The following KMT2E variants were observed in gnomAD, a reference collection of about 807,000 sequenced individuals.
KMT2E encodes lysine methyltransferase 2E (inactive).
Under a neutral mutation model 184.6 loss-of-function variants are expected in KMT2E, and 30 were observed. The observed-to-expected ratio is 0.16, with a 90% CI of 0.12 to 0.22. KMT2E has a LOEUF of 0.22. KMT2E is among the 10% of genes least tolerant of loss of function. KMT2E has a pLI of 1.00. For missense variants in KMT2E, 2,023 were observed against 2,237.4 expected (o/e 0.90, Z 1.93); for synonymous variants, 815 against 776.5 (o/e 1.05, Z -0.82).
chr7:105,025,172 ATAGAG>A lies in KMT2E; in HGVS notation c.-189+10643_-189+10647del, dbSNP rs1445419768. The stretch of plus-strand genomic sequence containing the variant: ...AGTACTTCTTTAGAAGCTGTATTGT[ATAGAG>A]TAGAGATTCCAGAACCATACCACTT... On this transcript the variant is annotated intron_variant, in intron 1 of 26. Coordinates refer to ENST00000311117, the MANE Select transcript of KMT2E (RefSeq NM_182931.3). Among the ~76,000 whole-genome samples, 13 of 152,294 alleles carry A rather than the reference ATAGAG, an allele frequency of 8.5e-5. No homozygotes were observed. The South Asian group carries it at 2.5e-3, about 29-fold the overall frequency.
At chr7:105,016,300 A>C (rs972906516) in intron 1 of KMT2E, among the ~76,000 whole-genome samples, 4 of 152,170 alleles carry the variant, frequency 2.6e-5, no homozygotes, top group Admixed American at 1.3e-4. Context: ...AGAATTTTCA[A>C]AGTTTATTGT....
At position 105,112,874 on chromosome 7, in the gene KMT2E, A is replaced by C. The variant is rs747926615; in HGVS notation, c.5118A>C (p.Gln1706His). The C allele has an allele frequency of 2.2e-5, 35 of 1,609,164 alleles. 1 individual carries two copies. In the South Asian group the frequency reaches 2.4e-4, roughly 11 times the overall value. ...PSTGLQGLQA[Q>H]HQHVVNSAPP... ...CAGGACTCCAAGGTCTACAAGCACA[A>C]CACCAGCATGTTGTAAATTCAGCAC... The change falls in exon 27 of 27, where the codon CAA (glutamine) becomes CAC (histidine). Residue 1706 changes from glutamine (Q) to histidine (H), a missense_variant. By Grantham distance (24) the Gln-to-His change is conservative. This residue lies in a region of KMT2E where 1,108 missense variants were observed against 1,050.9 expected (regional missense o/e 1.05). Transcript: ENST00000311117.
chr7:105,029,694 G>C (rs149944690), intron 1 of KMT2E, among the ~76,000 whole-genome samples: 3 of 152,272 alleles, frequency 2.0e-5, no homozygotes, highest in African/African-American at 7.2e-5. Flanking sequence ...ATAAAAAATA[G>C]AATGAAAGAA....
At position 105,076,088 on chromosome 7, in the gene KMT2E, A is replaced by G; in HGVS notation, c.768+7A>G. The G allele has an allele frequency of 6.3e-7, 1 of 1,583,122 alleles. No homozygotes were observed. Among genetic ancestry groups the G allele is most frequent in the Non-Finnish European group, 8.7e-7 (1 of 1,152,668 alleles). The stretch of plus-strand genomic sequence containing the variant: ...GAAGTCATCAAGAGTTAAGGTAAAT[A>G]CATTAATTTTAAGGTGTTGTTATCA... On this transcript the variant is annotated splice_region_variant and intron_variant, in intron 9 of 26. Coordinates refer to ENST00000311117, the MANE Select transcript of KMT2E (RefSeq NM_182931.3).
intron 1 of KMT2E, among the ~76,000 whole-genome samples, chr7:105,035,340 T>A (rs1795601730): frequency 6.6e-6 from 1 of 151,160 alleles, no homozygotes; most frequent in South Asian, 2.1e-4. Flanking sequence ...CCTAATTTTT[T>A]TTATTGTTAG....
chr7:105,062,842 A>G (rs528157578), intron 4 of KMT2E, among the ~76,000 whole-genome samples: 1 of 152,028 alleles, frequency 6.6e-6, no homozygotes, highest in Admixed American at 6.6e-5. Context: ...CAACACATTT[A>G]TGATACTATG....
chr7:105,078,753 C>T, intron 11 of KMT2E, 93 bp from the exon 12 acceptor site: 4 of 521,108 alleles, frequency 7.7e-6, no homozygotes, highest in Non-Finnish European at 7.1e-6. Flanking sequence ...AGCAATCCAC[C>T]TGCCTCGGCC....
chr7:105,102,149 TC>T lies in KMT2E; in HGVS notation c.2153del (p.Pro718GlnfsTer22). ...LAEIITETEVPALNKCPTKYP... is the reference protein window; with the variant it reads ...LAEIITETEVXALNKCPTKYP... ...CAGAAATAATTACTGAAACTGAAGTTCCAGCACTTAATAAATGTCCTACCAA... is the reference window on the plus strand; with the variant it reads ...CAGAAATAATTACTGAAACTGAAGTTCAGCACTTAATAAATGTCCTACCAA... On this transcript the variant is annotated frameshift_variant, in exon 17 of 27. Transcript: ENST00000311117. LOFTEE classifies it high-confidence loss of function. 6.2e-7 allele frequency: 1 copy of T among 1,612,254 alleles called. No individual in the cohort carries two copies. Among genetic ancestry groups the T allele is most frequent in the Non-Finnish European group, 8.5e-7 (1 of 1,179,198 alleles).
At chr7:105,061,718 A>T (rs1034906797) in intron 3 of KMT2E, among the ~76,000 whole-genome samples, 1 of 152,092 alleles carries the variant, frequency 6.6e-6, no homozygotes, top group African/African-American at 2.4e-5. Context: ...AGGCTTTATT[A>T]TATTAATATC....
intron 1 of KMT2E, among the ~76,000 whole-genome samples, chr7:105,028,576 C>T (rs1428887073): frequency 6.6e-6 from 1 of 152,094 alleles, no homozygotes; most frequent in Non-Finnish European, 1.5e-5. Context: ...ACTGTAACCT[C>T]CACCTCCCAG....
intron 13 of KMT2E, among the ~76,000 whole-genome samples, chr7:105,088,738 T>C (rs1798085801): frequency 6.6e-6 from 1 of 152,208 alleles, no homozygotes; most frequent in Admixed American, 6.5e-5. Context: ...CTGTGTAACA[T>C]TGGACAAGAT....
rs1416257502 is a variant in KMT2E at position 105,113,614 on chromosome 7, T to A, written c.*281T>A. 1 of 299,578 alleles carries A rather than the reference T, an allele frequency of 3.3e-6. No individual in the cohort carries two copies. The highest frequency in any genetic ancestry group is 6.1e-6 in the Non-Finnish European group (1 of 163,966). 18.6% of individuals were successfully genotyped at this position (299,578 alleles called of 1,614,324 possible). On this transcript the variant is annotated 3_prime_UTR_variant, in exon 27 of 27. Transcript: ENST00000311117. The stretch of plus-strand genomic sequence containing the variant: ...TGCTGTATGATCTTTTTTTTTTTTT[T>A]AGTTAAATTCATTTAGTGAATGTTC...
At position 105,095,204 on chromosome 7, in the gene KMT2E, A is replaced by G. The variant is rs554286286; in HGVS notation, c.1722+3890A>G. On this transcript the variant is annotated intron_variant, in intron 15 of 26. Transcript: ENST00000311117. ...TAAGTGAAGGAAATATAAATATGATACATAGCTTATAGCTGGAGAGAGATC... is the reference window on the plus strand; with the variant it reads ...TAAGTGAAGGAAATATAAATATGATGCATAGCTTATAGCTGGAGAGAGATC... Among the ~76,000 whole-genome samples the G allele has an allele frequency of 3.3e-5, 5 of 152,354 alleles. No homozygotes were observed. In the East Asian group the frequency reaches 9.6e-4, roughly 29 times the overall value.
At position 105,112,879 on chromosome 7, in the gene KMT2E, A is replaced by G; in HGVS notation, c.5123A>G (p.Gln1708Arg). 1 of 1,600,314 alleles carries G rather than the reference A, an allele frequency of 6.2e-7. No homozygotes were observed. The highest frequency in any genetic ancestry group is 2.3e-5 in the East Asian group (1 of 43,890). The change falls in exon 27 of 27, where the codon CAG (glutamine) becomes CGG (arginine). Residue 1708 changes from glutamine (Q) to arginine (R), a missense_variant. Gln to Arg is a conservative substitution (Grantham distance 43, BLOSUM62 1). This residue lies in a region of KMT2E where 1,108 missense variants were observed against 1,050.9 expected (regional missense o/e 1.05). Transcript: ENST00000311117. Reference sequence around the variant, plus strand: ...CTCCAAGGTCTACAAGCACAACACCAGCATGTTGTAAATTCAGCACCCCCA... The same window carrying G: ...CTCCAAGGTCTACAAGCACAACACCGGCATGTTGTAAATTCAGCACCCCCA... ...TGLQGLQAQH[Q>R]HVVNSAPPPP... is the part of the protein sequence containing the mutation.
intron 3 of KMT2E, among the ~76,000 whole-genome samples, chr7:105,059,978 G>GTTGTTTTTTTTTTTTTTTTTTTTT (rs1796734822): frequency 1.9e-5 from 1 of 51,766 alleles, no homozygotes; most frequent in African/African-American, 5.8e-5. Flanking sequence ...TCTTGTTGTT[G>GTTGTTTTTTTTTTTTTTTTTTTTT]TTTTTTTTTT....
intron 17 of KMT2E, 63 bp from the exon 18 acceptor site, chr7:105,105,376 A>T: frequency 8.3e-7 from 1 of 1,205,906 alleles, no homozygotes; most frequent in Non-Finnish European, 1.2e-6. Context: ...ATCTGGTATT[A>T]GAATATTCAA....
At chr7:105,018,469 A>C (rs1330231372) in intron 1 of KMT2E, among the ~76,000 whole-genome samples, 1 of 152,218 alleles carries the variant, frequency 6.6e-6, no homozygotes, top group Non-Finnish European at 1.5e-5. Context: ...TGAAGCAAAC[A>C]CATTTACATC....
intron 13 of KMT2E, among the ~76,000 whole-genome samples, chr7:105,083,401 G>T (rs906639828): frequency 6.6e-6 from 1 of 152,132 alleles, no homozygotes; most frequent in Non-Finnish European, 1.5e-5. Flanking sequence ...GTGGCCAGGG[G>T]CATTGCCCAG....
rs768696345 is a variant in KMT2E at position 105,091,326 on chromosome 7, A to T, written c.1722+12A>T. On this transcript the variant is annotated intron_variant, in intron 15 of 26. Transcript: ENST00000311117. The stretch of plus-strand genomic sequence containing the variant: ...GGAAAAGGAAGATGGTAAGTTGGGA[A>T]GCCAGTAGTTTGGGCTTAGTGACAG... 2.0e-6 allele frequency: 3 copies of T among 1,519,020 alleles called. No homozygotes were observed. The highest frequency in any genetic ancestry group is 4.5e-5 in the East Asian group (2 of 44,424). The allele number at this position is 1,519,020 out of a possible 1,614,324, so 94.1% of individuals were successfully genotyped here. A position where few individuals can be genotyped will look rare whatever the true frequency, so the allele number is the denominator to read the frequency against.
Sources: allele counts gnomAD v4.1 joint callset (sites outside exome capture counted in the v4.1 genomes callset), GRCh38; gene constraint gnomAD v4.1.1; regional missense constraint gnomAD v4.1.1; transcripts MANE v1.5; gene names NCBI Gene and HGNC (gene_info 2026-07-23, HGNC 2026-07-21).